Variants in CFAP44 observed in about 807,000 individuals in gnomAD.
The protein encoded by CFAP44 is cilia and flagella associated protein 44.
In CFAP44, 134 loss-of-function variants were observed where a neutral mutation model predicts 216.2. That is an observed-to-expected ratio of 0.62 (90% CI 0.54 to 0.72). The LOEUF is 0.72. CFAP44 is among the 30% of genes least tolerant of loss of function. The pLI is 0.00. For synonymous variants in CFAP44, 700 were observed against 727.6 expected, an observed-to-expected ratio of 0.96 and a Z score of 0.61; for missense variants, 2,035 against 2,182.1, an observed-to-expected ratio of 0.93 and a Z score of 1.34.
chr3:113,364,609 T>A (rs1259618786), intron 19 of CFAP44, among the ~76,000 whole-genome samples: 1 of 152,188 alleles, frequency 6.6e-6, no homozygotes, highest in Non-Finnish European at 1.5e-5. Flanking sequence ...TTCTAGGATT[T>A]GATGCTGATA....
intron 32 of CFAP44, among the ~76,000 whole-genome samples, chr3:113,301,084 C>G (rs909290661): frequency 1.3e-5 from 2 of 152,032 alleles, no homozygotes; most frequent in African/African-American, 4.8e-5. Context: ...AGCAAAAGAA[C>G]ATAAAGCAAT....
intron 28 of CFAP44, among the ~76,000 whole-genome samples, chr3:113,313,522 C>G (rs889479256): frequency 6.6e-6 from 1 of 152,032 alleles, no homozygotes; most frequent in African/African-American, 2.4e-5. Flanking sequence ...AATGTAAGGA[C>G]ATGAGATTTG....
intron 22 of CFAP44, among the ~76,000 whole-genome samples, chr3:113,346,526 G>A (rs7621031): frequency 6.6e-6 from 1 of 151,598 alleles, no homozygotes; most frequent in Non-Finnish European, 1.5e-5. Flanking sequence ...CTAGCTAAAG[G>A]ATTTTAAGTG....
At position 113,412,799 on chromosome 3, in the gene CFAP44, G is replaced by A. The variant is rs147180334; in HGVS notation, c.674-3477C>T. Among the ~76,000 whole-genome samples the A allele has an allele frequency of 9.8e-3, 1,498 of 152,182 alleles. 16 individuals carry two copies. Among genetic ancestry groups the A allele is most frequent in the African/African-American group, 0.035 (1,432 of 41,498 alleles). On this transcript the variant is annotated intron_variant, in intron 6 of 34. Transcript: ENST00000393845. ...TGATGGGCACTTGGGTTGGTTCCAC[G>A]TCTTTGCTATTGTAAATAGTGTTGT...
chr3:113,332,496 T>A (rs1276361032), intron 25 of CFAP44, among the ~76,000 whole-genome samples: 2 of 152,224 alleles, frequency 1.3e-5, no homozygotes, highest in Non-Finnish European at 2.9e-5. Context: ...CATGATGTGA[T>A]TGGCACCCTC....
chr3:113,288,436 G>A lies in CFAP44; in HGVS notation c.*3121C>T, dbSNP rs1412138368. 6.6e-6 allele frequency: 1 copy of A among 152,190 alleles called. No individual in the cohort carries two copies. The highest frequency in any genetic ancestry group is 2.4e-5 in the African/African-American group (1 of 41,442). 9.4% of individuals were successfully genotyped at this position (152,190 alleles called of 1,614,324 possible). ...GGTAAATGTTAGGAAATGAGAAGCA[G>A]AGCAGGGAAGAGAAGAGAAAAAATA... On this transcript the variant is annotated 3_prime_UTR_variant, in exon 35 of 35. Coordinates refer to ENST00000393845, the MANE Select transcript of CFAP44 (RefSeq NM_001164496.2).
rs1934096310 is a variant in CFAP44 at position 113,399,905 on chromosome 3, C to T, written c.1569+1G>A. 1 of 1,572,896 alleles carries T rather than the reference C, an allele frequency of 6.4e-7. No individual in the cohort carries two copies. The highest frequency in any genetic ancestry group is 8.6e-7 in the Non-Finnish European group (1 of 1,163,154). ...GTAGTTCATTATAACAACAAACTTA[C>T]CATTCGGGGTACCCAAACAAGGGCA... On this transcript the variant is annotated splice_donor_variant, in intron 13 of 34. Transcript: ENST00000393845. LOFTEE classifies it high-confidence loss of function.
intron 11 of CFAP44, 67 bp downstream of exon 11, chr3:113,401,168 ATACTT>A (rs1934130639): frequency 5.1e-6 from 7 of 1,376,558 alleles, no homozygotes; most frequent in Non-Finnish European, 5.0e-6. Context: ...AAGATAAAGA[ATACTT>A]TAAAGACAAA....
Position 113,330,662 on chromosome 3 carries a change from CA to C in CFAP44, c.3621del (p.His1207GlnfsTer7). ...EELGHLDSLV[H>X]GNKRHMNKCI... ...CACTTGTTCATGTGCCTTTTATTTC[CA>C]TGGACCTGAAAAAAAGAAGAGGAAG... On this transcript the variant is annotated frameshift_variant, in exon 26 of 35. Transcript: ENST00000393845. LOFTEE classifies it high-confidence loss of function. 2.0e-6 allele frequency: 3 copies of C among 1,527,948 alleles called. No homozygotes were observed. Among genetic ancestry groups the C allele is most frequent in the Non-Finnish European group, 2.6e-6 (3 of 1,143,714 alleles). 94.6% of individuals were successfully genotyped at this position (1,527,948 alleles called of 1,614,324 possible). A position where few individuals can be genotyped will look rare whatever the true frequency, so the allele number is the denominator to read the frequency against.
chr3:113,437,141 C>T (rs1008256196), intron 1 of CFAP44, among the ~76,000 whole-genome samples: 5 of 152,142 alleles, frequency 3.3e-5, no homozygotes, highest in Non-Finnish European at 5.9e-5. Context: ...AGAGGCCACT[C>T]GCATTCCTTG....
chr3:113,416,081 T>G (rs556940790), intron 6 of CFAP44, among the ~76,000 whole-genome samples: 1 of 152,322 alleles, frequency 6.6e-6, no homozygotes, highest in East Asian at 1.9e-4. Flanking sequence ...TTAGCTCTTC[T>G]TGAATTGTTC....
intron 3 of CFAP44, chr3:113,426,812 G>A (rs888187637): frequency 4.6e-6 from 1 of 216,040 alleles, no homozygotes; most frequent in Non-Finnish European, 8.9e-6. Context: ...ATGGAAGGAA[G>A]AGCCATTATG....
rs187747128 is a variant in CFAP44 at position 113,427,555 on chromosome 3, A to C, written c.101-216T>G. On this transcript the variant is annotated intron_variant, in intron 2 of 34. Transcript: ENST00000393845. Reference sequence around the variant, plus strand: ...TAATCTCCATTTTCACTTCATTTTCAGTCTATTTCCTATCATTAAATACTT... The same window carrying C: ...TAATCTCCATTTTCACTTCATTTTCCGTCTATTTCCTATCATTAAATACTT... 3.1e-3 allele frequency: 1,428 copies of C among 454,986 alleles called. 2 individuals carry two copies. The highest frequency in any genetic ancestry group is 0.013 in the Middle Eastern group (24 of 1,798). 28.2% of individuals were successfully genotyped at this position (454,986 alleles called of 1,614,324 possible).
chr3:113,324,568 G>A (rs184005450), intron 28 of CFAP44, among the ~76,000 whole-genome samples: 26 of 152,034 alleles, frequency 1.7e-4, no homozygotes, highest in Admixed American at 3.3e-4. Flanking sequence ...CCCCATTCAC[G>A]AAAAAAATTC....
At chr3:113,307,712 G>A (rs1019822625) in intron 29 of CFAP44, among the ~76,000 whole-genome samples, 6 of 152,234 alleles carry the variant, frequency 3.9e-5, no homozygotes, top group African/African-American at 1.4e-4. Flanking sequence ...GCTCACGCCT[G>A]TAATCCTAGC....
chr3:113,297,078 A>C (rs1233198625), intron 32 of CFAP44, among the ~76,000 whole-genome samples, 193 bp from the exon 33 acceptor site: 1 of 152,070 alleles, frequency 6.6e-6, no homozygotes, highest in African/African-American at 2.4e-5. Flanking sequence ...TTGTCTTTTC[A>C]CCTTCTGAAT....
At chr3:113,327,063 ATTTAGCATATACTATCTG>A (rs1245203656) in intron 27 of CFAP44, among the ~76,000 whole-genome samples, 2 of 152,132 alleles carry the variant, frequency 1.3e-5, no homozygotes, top group Non-Finnish European at 2.9e-5. Flanking sequence ...GAATGTTACT[ATTTAGCATATACTATCTG>A]TTTAATAGAA....
intron 22 of CFAP44, among the ~76,000 whole-genome samples, chr3:113,355,467 C>A (rs1950484751): frequency 6.6e-6 from 1 of 152,170 alleles, no homozygotes. Context: ...TTGCAGTGAG[C>A]CGTGATCACG....
chr3:113,293,879 T>C (rs561089532), intron 34 of CFAP44: 34 of 390,158 alleles, frequency 8.7e-5, no homozygotes, highest in African/African-American at 7.2e-4. Context: ...GGAAGGCTGG[T>C]TAATGCAGAC....
Sources: allele counts gnomAD v4.1 joint callset (sites outside exome capture counted in the v4.1 genomes callset), GRCh38; gene constraint gnomAD v4.1.1; transcripts MANE v1.5; gene names NCBI Gene and HGNC (gene_info 2026-07-23, HGNC 2026-07-21).